Variants in MAP4K5 observed in about 807,000 individuals in gnomAD.
MAP4K5 encodes the protein MAPK/ERK kinase kinase kinase 5.
In MAP4K5, 82 loss-of-function variants were observed where a neutral mutation model predicts 135.6. The observed-to-expected ratio is 0.60, with a 90% confidence interval of 0.51 to 0.73. MAP4K5 has a LOEUF of 0.73. Ranked by LOEUF, MAP4K5 falls within the 30% of genes least tolerant of loss-of-function variation. MAP4K5 has a pLI of 0.00. For missense variants in MAP4K5, 907 were observed against 1,010.9 expected, an observed-to-expected ratio of 0.90 and a Z score of 1.39; for synonymous variants, 347 against 335.0, an observed-to-expected ratio of 1.04 and a Z score of -0.39.
At chr14:50,456,476 C>A in intron 14 of MAP4K5, 40 bp downstream of exon 14, 1 of 1,438,700 alleles carries the variant, frequency 7.0e-7, no homozygotes, top group Non-Finnish European at 9.6e-7. Context: ...CAGCACAACC[C>A]TCCAAAACCA....
intron 2 of MAP4K5, among the ~76,000 whole-genome samples, chr14:50,517,101 T>C (rs894289957): frequency 1.3e-5 from 2 of 152,016 alleles, no homozygotes; most frequent in African/African-American, 4.8e-5. Context: ...ATTAGATTCA[T>C]GACAACAAAG....
chr14:50,508,726 C>T lies in MAP4K5; in HGVS notation c.109-3869G>A, dbSNP rs112008921. On this transcript the variant is annotated intron_variant, in intron 2 of 32. Transcript: ENST00000682126. ...AACTTAAAGTATAAAAAAAAAAAGG[C>T]AACAACAGATGCTGGTGAGGATGTG... is the stretch of plus-strand genomic sequence containing the variant. 6.7e-3 allele frequency among the ~76,000 whole-genome samples: 1,008 copies of T among 149,702 alleles called. 9 individuals carry two copies. Among genetic ancestry groups the T allele is most frequent in the African/African-American group, 0.023 (940 of 40,926 alleles).
At chr14:50,523,254 T>A (rs923112592) in intron 2 of MAP4K5, among the ~76,000 whole-genome samples, 1 of 151,926 alleles carries the variant, frequency 6.6e-6, no homozygotes, top group African/African-American at 2.4e-5. Context: ...GAGGTTGCGG[T>A]GAGCTGAGAT....
chr14:50,509,686 A>C (rs55888737), intron 2 of MAP4K5, among the ~76,000 whole-genome samples: 105 of 151,784 alleles, frequency 6.9e-4, no homozygotes, highest in Non-Finnish European at 1.3e-3. Flanking sequence ...AAAAAAAAAA[A>C]CAGATTCAAT....
intron 23 of MAP4K5, 111 bp from the exon 24 acceptor site, chr14:50,438,205 A>G (rs937527681): frequency 3.5e-6 from 2 of 568,924 alleles, no homozygotes; most frequent in African/African-American, 3.8e-5. Context: ...ATGTTTTTAA[A>G]TTAACAGATA....
At chr14:50,489,249 G>A (rs1414736790) in intron 3 of MAP4K5, among the ~76,000 whole-genome samples, 1 of 152,188 alleles carries the variant, frequency 6.6e-6, no homozygotes, top group African/African-American at 2.4e-5. Flanking sequence ...TCAGGAGGCT[G>A]AGGTGGGAGG....
chr14:50,485,167 C>A (rs1413293199), intron 5 of MAP4K5, among the ~76,000 whole-genome samples: 1 of 152,102 alleles, frequency 6.6e-6, no homozygotes, highest in East Asian at 1.9e-4. Flanking sequence ...TTAAAACATA[C>A]ATATTAATAC....
intron 1 of MAP4K5, among the ~76,000 whole-genome samples, chr14:50,557,727 C>T (rs537331745): frequency 6.6e-5 from 10 of 152,294 alleles, no homozygotes; most frequent in African/African-American, 2.2e-4. Flanking sequence ...AAGATGCATT[C>T]TAGCAATGTC....
chr14:50,481,387 G>A (rs1460754910), intron 6 of MAP4K5, among the ~76,000 whole-genome samples: 3 of 151,262 alleles, frequency 2.0e-5, no homozygotes, highest in African/African-American at 7.3e-5. Context: ...AAGCATGTGG[G>A]AACCAACTCT....
intron 2 of MAP4K5, among the ~76,000 whole-genome samples, chr14:50,514,069 A>ATTGTT (rs2037982652): frequency 6.6e-6 from 1 of 151,962 alleles, no homozygotes; most frequent in Admixed American, 6.6e-5. Context: ...TTTCTCTGTT[A>ATTGTT]TTGTTTTGTT....
At chr14:50,495,826 T>G (rs189426575) in intron 3 of MAP4K5, among the ~76,000 whole-genome samples, 1 of 152,238 alleles carries the variant, frequency 6.6e-6, no homozygotes, top group Non-Finnish European at 1.5e-5. Context: ...AAATACTGTA[T>G]GATTCCACTT....
At chr14:50,518,551 TACAGGTCTGG>T (rs1672145314) in intron 2 of MAP4K5, among the ~76,000 whole-genome samples, 1 of 152,218 alleles carries the variant, frequency 6.6e-6, no homozygotes, top group African/African-American at 2.4e-5. Flanking sequence ...CACACAATTA[TACAGGTCTGG>T]ACAGGTGCTT....
chr14:50,524,259 T>C (rs1426034759), intron 2 of MAP4K5, among the ~76,000 whole-genome samples: 2 of 152,154 alleles, frequency 1.3e-5, no homozygotes, highest in Non-Finnish European at 2.9e-5. Context: ...CTCTTTCCTG[T>C]CATAGCTAAG....
chr14:50,508,657 T>C (rs1190836375), intron 2 of MAP4K5, among the ~76,000 whole-genome samples: 2 of 151,862 alleles, frequency 1.3e-5, no homozygotes, highest in African/African-American at 4.8e-5. Flanking sequence ...ATGGGACATG[T>C]ATACATATGT....
intron 1 of MAP4K5, among the ~76,000 whole-genome samples, chr14:50,557,597 G>C (rs2038780097): frequency 6.6e-6 from 1 of 152,070 alleles, no homozygotes; most frequent in Admixed American, 6.5e-5. Context: ...CTATATGTGG[G>C]CATTCAGGTT....
At chr14:50,456,476 C>G in intron 14 of MAP4K5, 40 bp downstream of exon 14, 13 of 1,438,700 alleles carry the variant, frequency 9.0e-6, no homozygotes, top group Non-Finnish European at 1.2e-5. Flanking sequence ...CAGCACAACC[C>G]TCCAAAACCA....
intron 2 of MAP4K5, among the ~76,000 whole-genome samples, chr14:50,518,612 C>T (rs1355003111): frequency 6.6e-6 from 1 of 152,208 alleles, no homozygotes; most frequent in East Asian, 1.9e-4. Context: ...AATTTCCCCA[C>T]TCCCAGGCAG....
intron 3 of MAP4K5, among the ~76,000 whole-genome samples, chr14:50,491,198 T>G (rs912182664): frequency 6.6e-6 from 1 of 152,122 alleles, no homozygotes; most frequent in Non-Finnish European, 1.5e-5. Flanking sequence ...GCAGTAAGAT[T>G]CATCACACCC....
intron 21 of MAP4K5, among the ~76,000 whole-genome samples, chr14:50,441,981 G>C (rs1330487216): frequency 6.6e-6 from 1 of 151,866 alleles, no homozygotes; most frequent in African/African-American, 2.4e-5. Context: ...GTAAATATCG[G>C]GAGTGATTCA....
Sources: gnomAD v4.1 joint callset for allele counts (sites outside exome capture counted in the v4.1 genomes callset) on GRCh38, gnomAD v4.1.1 for gene constraint, MANE v1.5 for transcripts, NCBI Gene and HGNC (gene_info 2026-07-23, HGNC 2026-07-21) for gene names.